The following HAUS7 variants were observed in gnomAD, a reference collection of about 807,000 sequenced individuals.
HAUS7 encodes HAUS augmin like complex subunit 7, also known as HAUS augmin-like complex subunit 7.
In HAUS7, 3 loss-of-function variants were observed where a neutral mutation model predicts 28.4. The ratio of observed to expected loss-of-function variants is 0.11; its 90% CI spans 0.05 to 0.27. HAUS7 has a LOEUF of 0.27. Ranked by LOEUF, HAUS7 falls within the 10% of genes least tolerant of loss-of-function variation. HAUS7 has a pLI of 1.00. For missense variants in HAUS7, 284 were observed against 297.3 expected, an observed-to-expected ratio of 0.96 and a Z score of 0.33; for synonymous variants, 165 against 132.1, an observed-to-expected ratio of 1.25 and a Z score of -1.71.
intron 1 of HAUS7, among the ~76,000 whole-genome samples, chrX:153,488,401 T>A (rs1213965801): frequency 8.9e-6 from 1 of 112,987 alleles, no homozygotes; most frequent in African/African-American, 3.2e-5. Context: ...CAGCTCTGCC[T>A]AGGACCGGGG....
Position 153,463,671 on chromosome X carries a change from TC to T in HAUS7, c.293-1001del, listed in dbSNP as rs1350930161. On this transcript the variant is annotated intron_variant, in intron 3 of 9. Transcript: ENST00000370211. The stretch of plus-strand genomic sequence containing the variant: ...ACATGGCCTGGCCTGATCTGGCCCG[TC>T]CCCTCCCAACCTCACTCCTTGCCCT... Among the ~76,000 whole-genome samples, 3 of 112,358 alleles carry T rather than the reference TC, an allele frequency of 2.7e-5. No individual in the cohort carries two copies. The Admixed American group carries it at 2.8e-4, about 11-fold the overall frequency.
chrX:153,463,788 T>C (rs1181480785), intron 3 of HAUS7, among the ~76,000 whole-genome samples: 3 of 112,694 alleles, frequency 2.7e-5, no homozygotes, highest in Non-Finnish European at 5.6e-5. Flanking sequence ...GCTCTTCCTC[T>C]CCGCACATGC....
At chrX:153,456,882 C>T (rs2089320191) in intron 5 of HAUS7, 1 of 440,600 alleles carries the variant, frequency 2.3e-6, no homozygotes. Context: ...CTGTGCCTGG[C>T]CCGTCTGCTC....
intron 7 of HAUS7, 129 bp downstream of exon 7, chrX:153,456,136 C>T: frequency 1.9e-6 from 1 of 528,285 alleles, no homozygotes. Flanking sequence ...GCGGACTGAG[C>T]ACCACAGTAT....
At chrX:153,456,470 C>T (rs1782506615) in intron 6 of HAUS7, 23 bp downstream of exon 6, 2 of 1,180,321 alleles carry the variant, frequency 1.7e-6, no homozygotes, top group Non-Finnish European at 2.3e-6. Flanking sequence ...GGTGCTGCCA[C>T]TGAGGCCTCC....
intron 9 of HAUS7, among the ~76,000 whole-genome samples, chrX:153,450,103 T>C (rs1192020786): frequency 8.9e-6 from 1 of 111,953 alleles, no homozygotes; most frequent in Non-Finnish European, 1.9e-5. Flanking sequence ...CCTGGTCTGC[T>C]GTGGTGGAGC....
At chrX:153,463,802 G>A (rs1329724493) in intron 3 of HAUS7, among the ~76,000 whole-genome samples, 1 of 112,738 alleles carries the variant, frequency 8.9e-6, no homozygotes, top group Non-Finnish European at 1.9e-5. Context: ...CACATGCCGC[G>A]CTGGCTTCCG....
rs187040132 is a variant in HAUS7 at position 153,484,029 on chromosome X, C to T, written c.-589+11345G>A. Among the ~76,000 whole-genome samples the T allele has an allele frequency of 2.5e-3, 280 of 112,128 alleles. 1 individual carries two copies. The highest frequency in any genetic ancestry group is 2.7e-3 in the African/African-American group (83 of 30,885). ...AGAAATAACCTCTCTCAGTTGCAGA[C>T]GCCAGAAGTCTGCAATCTAGATGTT... On this transcript the variant is annotated intron_variant, in intron 1 of 5. Transcript: ENST00000370210.
intron 9 of HAUS7, among the ~76,000 whole-genome samples, chrX:153,452,472 C>T (rs2089251427): frequency 8.9e-6 from 1 of 112,335 alleles, no homozygotes; most frequent in Non-Finnish European, 1.9e-5. Flanking sequence ...AGTTAGGATG[C>T]TAAATGCAAT....
chrX:153,455,675 T>C lies in HAUS7; in HGVS notation c.797A>G (p.His266Arg). Residue 266 changes from histidine (H) to arginine (R), a missense_variant, in exon 8 of 10, where the codon CAC becomes CGC. His to Arg is a conservative substitution (Grantham distance 29). Coordinates refer to ENST00000370211, the MANE Select transcript of HAUS7 (RefSeq NM_001385482.1). ...QKLRLVTSDF[H>R]QLILAFLQVY... ...TTGGAGAAAAGCCAAGATTAGCTGGTGGAAGTCGGAAGTGACCAGACGCAG... is the reference window on the plus strand; with the variant it reads ...TTGGAGAAAAGCCAAGATTAGCTGGCGGAAGTCGGAAGTGACCAGACGCAG... 8.3e-7 allele frequency: 1 copy of C among 1,205,955 alleles called. No homozygotes were observed. Among genetic ancestry groups the C allele is most frequent in the Non-Finnish European group, 1.1e-6 (1 of 890,122 alleles).
At chrX:153,462,935 C>A (rs12688144) in intron 3 of HAUS7, 1 of 438,058 alleles carries the variant, frequency 2.3e-6, no homozygotes, top group Non-Finnish European at 4.1e-6. Context: ...TGAGCAGAAG[C>A]CAGCAGCTGC....
chrX:153,451,619 G>GT (rs1313736747), intron 9 of HAUS7, among the ~76,000 whole-genome samples: 3 of 112,192 alleles, frequency 2.7e-5, no homozygotes, highest in African/African-American at 9.7e-5. Flanking sequence ...ACTACTTGGG[G>GT]GTGCAACAGT....
chrX:153,486,524 C>A, intron 1 of HAUS7: 1 of 637,738 alleles, frequency 1.6e-6, no homozygotes, highest in Non-Finnish European at 2.2e-6. Flanking sequence ...GTGGCTCGGT[C>A]TTACTGCTTC....
intron 1 of HAUS7, chrX:153,481,558 CT>C (rs1253324952): frequency 7.9e-6 from 6 of 755,164 alleles, no homozygotes; most frequent in Non-Finnish European, 9.4e-6. Flanking sequence ...CTCGTGCCTC[CT>C]GGCCCAGGCA....
chrX:153,456,101 C>T (rs1489892645), intron 7 of HAUS7, among the ~76,000 whole-genome samples, 164 bp downstream of exon 7: 1 of 112,552 alleles, frequency 8.9e-6, no homozygotes, highest in Non-Finnish European at 1.9e-5. Context: ...TTCCCCCAGC[C>T]ACGGGACCCA....
intron 1 of HAUS7, among the ~76,000 whole-genome samples, chrX:153,476,665 C>G (rs1406472302): frequency 8.9e-6 from 1 of 112,133 alleles, no homozygotes; most frequent in East Asian, 2.8e-4. Context: ...AATGAGAAGA[C>G]TGGGGCACTG....
upstream of HAUS7, among the ~76,000 whole-genome samples, chrX:153,471,911 G>T (rs2089527187): frequency 8.9e-6 from 1 of 112,757 alleles, no homozygotes; most frequent in Non-Finnish European, 1.9e-5. Flanking sequence ...CCTTCTGGTA[G>T]CTGAGGGCTG....
intron 4 of HAUS7, among the ~76,000 whole-genome samples, chrX:153,458,581 T>C (rs782609651): frequency 8.9e-6 from 1 of 112,460 alleles, no homozygotes; most frequent in Non-Finnish European, 1.9e-5. Flanking sequence ...TTTGTGTGCA[T>C]GTATATTTTC....
intron 2 of HAUS7, among the ~76,000 whole-genome samples, chrX:153,466,931 C>G (rs1014494124): frequency 8.9e-6 from 1 of 112,047 alleles, no homozygotes; most frequent in African/African-American, 3.3e-5. Context: ...CCGAAGAAAT[C>G]GAAATCTGAA....
Sources: gnomAD v4.1 joint callset for allele counts (sites outside exome capture counted in the v4.1 genomes callset) on GRCh38, gnomAD v4.1.1 for gene constraint, MANE v1.5 for transcripts, NCBI Gene and HGNC (gene_info 2026-07-23, HGNC 2026-07-21) for gene names.